Variants in PRKG1 observed in about 807,000 individuals in gnomAD.
PRKG1 encodes the protein protein kinase cGMP-dependent 1, also known as cGMP-dependent protein kinase 1.
In PRKG1, 35 loss-of-function variants were observed where a neutral mutation model predicts 88.1. That is an observed-to-expected ratio of 0.40 (90% CI 0.30 to 0.53). The LOEUF (loss-of-function observed/expected upper bound fraction) is 0.53. PRKG1 is among the 20% of genes least tolerant of loss of function. The probability of loss-of-function intolerance (pLI) is 0.59; values close to 1 mark genes in which losing one functional copy is unlikely to be tolerated. For synonymous variants in PRKG1, 303 were observed against 292.5 expected (o/e 1.04, Z -0.37); for missense variants, 540 against 839.8 (o/e 0.64, Z 4.41).
intron 3 of PRKG1, among the ~76,000 whole-genome samples, chr10:51,741,589 C>G (rs1837435558): frequency 6.6e-6 from 1 of 151,878 alleles, no homozygotes; most frequent in South Asian, 2.1e-4. Flanking sequence ...TTTAAGACGT[C>G]CACAAGGCAA....
intron 1 of PRKG1, among the ~76,000 whole-genome samples, chr10:51,056,398 C>T (rs1285612620): frequency 2.0e-5 from 3 of 152,264 alleles, no homozygotes; most frequent in South Asian, 2.1e-4. Flanking sequence ...TACTGTTAAA[C>T]GTGCAGCAGT....
chr10:52,264,396 C>G (rs558944944), intron 10 of PRKG1, among the ~76,000 whole-genome samples: 16 of 151,084 alleles, frequency 1.1e-4, no homozygotes, highest in Non-Finnish European at 1.9e-4. Context: ...TCCCCCTCCC[C>G]TCCAGCTTTT....
chr10:52,190,931 T>C (rs1839346653), intron 9 of PRKG1, among the ~76,000 whole-genome samples: 1 of 152,202 alleles, frequency 6.6e-6, no homozygotes, highest in South Asian at 2.1e-4. Flanking sequence ...TCTATATGTA[T>C]CTTCTAAAAC....
chr10:51,053,230 C>CAAATAAAT (rs35287792), intron 1 of PRKG1, among the ~76,000 whole-genome samples: 12 of 142,538 alleles, frequency 8.4e-5, no homozygotes, highest in Non-Finnish European at 1.7e-4. Flanking sequence ...ACTCTTGTCT[C>CAAATAAAT]AAATAAATAA....
intron 5 of PRKG1, among the ~76,000 whole-genome samples, chr10:52,019,176 G>A (rs1564432262): frequency 1.3e-5 from 2 of 152,028 alleles, no homozygotes; most frequent in African/African-American, 2.4e-5. Context: ...GTCACCCCAC[G>A]GAGGGAAGGC....
At chr10:51,303,063 A>C (rs552650254) in intron 2 of PRKG1, among the ~76,000 whole-genome samples, 3 of 152,248 alleles carry the variant, frequency 2.0e-5, no homozygotes, top group African/African-American at 7.2e-5. Context: ...AACCGGGTTA[A>C]GATTGGTTTG....
intron 4 of PRKG1, among the ~76,000 whole-genome samples, chr10:51,853,837 GT>G (rs1263401226): frequency 6.6e-6 from 1 of 152,058 alleles, no homozygotes; most frequent in Non-Finnish European, 1.5e-5. Context: ...TCCACAGCTG[GT>G]TATCTAATCA....
intron 3 of PRKG1, among the ~76,000 whole-genome samples, chr10:51,650,183 A>G (rs772108734): frequency 6.6e-6 from 1 of 152,192 alleles, no homozygotes; most frequent in African/African-American, 2.4e-5. Context: ...GAGAGAACCT[A>G]TCCAGCCTGC....
intron 5 of PRKG1, among the ~76,000 whole-genome samples, chr10:51,981,975 C>T (rs7922286): frequency 0.095 from 14,532 of 152,174 alleles, 735 homozygotes; most frequent in African/African-American, 0.11. Flanking sequence ...TGGTCTCTTT[C>T]CATGATCTCA....
intron 9 of PRKG1, among the ~76,000 whole-genome samples, chr10:52,223,922 A>T (rs1354358991): frequency 6.6e-6 from 1 of 152,136 alleles, no homozygotes; most frequent in African/African-American, 2.4e-5. Flanking sequence ...ACCTCTTGGC[A>T]TTAACACTGC....
chr10:52,126,921 A>G (rs1230221626), intron 7 of PRKG1, among the ~76,000 whole-genome samples: 1 of 152,046 alleles, frequency 6.6e-6, no homozygotes, highest in Non-Finnish European at 1.5e-5. Context: ...AAACATTGAC[A>G]TTTTTCTTGT....
chr10:51,169,853 A>T (rs1251238305), intron 2 of PRKG1, among the ~76,000 whole-genome samples: 1 of 152,006 alleles, frequency 6.6e-6, no homozygotes, highest in Non-Finnish European at 1.5e-5. Context: ...GGCACGTAGG[A>T]GTGGCCGTTA....
chr10:51,596,045 G>C (rs763193661), intron 3 of PRKG1, among the ~76,000 whole-genome samples: 1 of 152,040 alleles, frequency 6.6e-6, no homozygotes, highest in Non-Finnish European at 1.5e-5. Context: ...TGGTCAGGCT[G>C]GTCCCAAACT....
Position 52,280,928 on chromosome 10 carries a change from C to G in PRKG1, c.1543C>G (p.Leu515Val), listed in dbSNP as rs778332051. 1 of 1,612,892 alleles carries G rather than the reference C, an allele frequency of 6.2e-7. No individual in the cohort carries two copies. The highest frequency in any genetic ancestry group is 8.5e-7 in the Non-Finnish European group (1 of 1,179,330). The change falls in exon 13 of 18, where the codon CTG (leucine) becomes GTG (valine). Residue 515 changes from leucine to valine, a missense_variant and splice_region_variant. By Grantham distance (32) the Leu-to-Val change is conservative. Coordinates refer to ENST00000373980, the MANE Select transcript of PRKG1 (RefSeq NM_006258.4). ...CCTAGATCACCGAGGTTATGCCAAA[C>G]TGGTCAGTGCATTTCATACGTGCTT... ...LILDHRGYAKLVDFGFAKKIG... is the reference protein window; with the variant it reads ...LILDHRGYAKVVDFGFAKKIG...
intron 1 of PRKG1, chr10:51,062,828 G>T (rs1010796891): frequency 6.6e-6 from 1 of 151,920 alleles, no homozygotes; most frequent in Admixed American, 6.6e-5. Flanking sequence ...CTCCATGTTG[G>T]TCAGGTTGGT....
At chr10:51,208,348 A>G (rs916032103) in intron 2 of PRKG1, among the ~76,000 whole-genome samples, 5 of 152,186 alleles carry the variant, frequency 3.3e-5, no homozygotes, top group Admixed American at 3.3e-4. Flanking sequence ...AGGAAAGTTG[A>G]GGAAGGAACC....
intron 3 of PRKG1, among the ~76,000 whole-genome samples, chr10:51,764,749 C>A (rs1354036829): frequency 6.6e-6 from 1 of 152,066 alleles, no homozygotes; most frequent in African/African-American, 2.4e-5. Flanking sequence ...GGTCTCCCCC[C>A]AAAATTAGGT....
chr10:51,989,171 T>C (rs1245753052), intron 5 of PRKG1, among the ~76,000 whole-genome samples: 1 of 152,026 alleles, frequency 6.6e-6, no homozygotes, highest in African/African-American at 2.4e-5. Flanking sequence ...ACAACAAAAA[T>C]CACAGTTAAG....
chr10:51,566,609 G>A (rs1474280833), intron 3 of PRKG1, among the ~76,000 whole-genome samples: 1 of 151,804 alleles, frequency 6.6e-6, no homozygotes, highest in African/African-American at 2.4e-5. Flanking sequence ...GATAGTGAAG[G>A]TTTCTCCGAG....
Sources: gnomAD v4.1 joint callset for allele counts (sites outside exome capture counted in the v4.1 genomes callset) on GRCh38, gnomAD v4.1.1 for gene constraint, MANE v1.5 for transcripts, NCBI Gene and HGNC (gene_info 2026-07-23, HGNC 2026-07-21) for gene names.